The following PXDNL variants were observed in gnomAD, a reference collection of about 807,000 sequenced individuals.
The protein encoded by PXDNL is peroxidasin like.
A neutral mutation model predicts 150.8 loss-of-function variants in PXDNL; 145 were observed. The ratio of observed to expected loss-of-function variants is 0.96; its 90% CI spans 0.84 to 1.10. The LOEUF (loss-of-function observed/expected upper bound fraction) is 1.10, where lower values mean the gene tolerates loss of function less well. Ranked by LOEUF, PXDNL falls within the 50% of genes least tolerant of loss-of-function variation. PXDNL has a pLI of 0.00. For synonymous variants in PXDNL, 757 were observed against 725.7 expected (o/e 1.04, Z -0.69); for missense variants, 2,087 against 1,873.9 (o/e 1.11, Z -2.10).
intron 10 of PXDNL, among the ~76,000 whole-genome samples, chr8:51,451,952 G>A (rs1463915132): frequency 6.6e-6 from 1 of 152,138 alleles, no homozygotes; most frequent in Non-Finnish European, 1.5e-5. Flanking sequence ...CAAGCAGATG[G>A]CCATTTCAGT....
At chr8:51,386,866 G>A (rs1236244908) in intron 17 of PXDNL, among the ~76,000 whole-genome samples, 2 of 150,952 alleles carry the variant, frequency 1.3e-5, no homozygotes, top group Non-Finnish European at 2.9e-5. Context: ...TGTCAGCCAA[G>A]TGACAAGCAT....
At chr8:51,455,035 G>C (rs1413337804) in intron 9 of PXDNL, among the ~76,000 whole-genome samples, 1 of 91,884 alleles carries the variant, frequency 1.1e-5, no homozygotes, top group Admixed American at 9.9e-5. Context: ...CGTGAACCCG[G>C]GAAGCGGAGC....
intron 3 of PXDNL, among the ~76,000 whole-genome samples, chr8:51,591,521 G>GCCCTGT (rs777647694): frequency 6.6e-6 from 1 of 152,164 alleles, no homozygotes; most frequent in Non-Finnish European, 1.5e-5. Flanking sequence ...CTAAAGATTG[G>GCCCTGT]AATGGTGTCT....
At chr8:51,732,271 C>T (rs1001135262) in intron 1 of PXDNL, among the ~76,000 whole-genome samples, 2 of 152,182 alleles carry the variant, frequency 1.3e-5, no homozygotes, top group Non-Finnish European at 2.9e-5. Context: ...CCACAAATCT[C>T]TAGGACAAGG....
At chr8:51,642,208 G>T (rs10958289) in intron 2 of PXDNL, among the ~76,000 whole-genome samples, 49 of 148,840 alleles carry the variant, frequency 3.3e-4, no homozygotes, top group African/African-American at 1.1e-3. Context: ...GACTGTTGTG[G>T]GGTGGAGGGA....
At chr8:51,711,108 A>G (rs9643786) in intron 1 of PXDNL, among the ~76,000 whole-genome samples, 140,716 of 151,234 alleles carry the variant, frequency 0.93, 65,953 homozygotes, top group East Asian at 1. Context: ...GGTATTAAAT[A>G]TAGAAAACTA....
intron 2 of PXDNL, among the ~76,000 whole-genome samples, chr8:51,611,377 T>C (rs980876562): frequency 2.0e-5 from 3 of 152,184 alleles, no homozygotes; most frequent in Non-Finnish European, 4.4e-5. Flanking sequence ...GTTTTTTAAG[T>C]GGGATGGTAG....
At chr8:51,444,534 T>C (rs1327222927) in intron 12 of PXDNL, among the ~76,000 whole-genome samples, 1 of 152,130 alleles carries the variant, frequency 6.6e-6, no homozygotes, top group Non-Finnish European at 1.5e-5. Flanking sequence ...AATCACCTAA[T>C]ACCCGAAGGA....
At chr8:51,359,425 T>C (rs1376814884) in intron 19 of PXDNL, among the ~76,000 whole-genome samples, 1 of 152,152 alleles carries the variant, frequency 6.6e-6, no homozygotes, top group Non-Finnish European at 1.5e-5. Context: ...GACTGATTAG[T>C]GAATTTGATA....
At chr8:51,375,287 C>G (rs1470156453) in intron 17 of PXDNL, among the ~76,000 whole-genome samples, 1 of 152,078 alleles carries the variant, frequency 6.6e-6, no homozygotes. Context: ...AAACAACAAA[C>G]AAACAAAAAA....
intron 3 of PXDNL, among the ~76,000 whole-genome samples, chr8:51,567,375 C>A (rs1402030285): frequency 1.3e-5 from 2 of 151,862 alleles, no homozygotes; most frequent in South Asian, 2.1e-4. Flanking sequence ...CATGTTGAAG[C>A]CTTCAACTAT....
intron 1 of PXDNL, among the ~76,000 whole-genome samples, chr8:51,678,773 C>T (rs551838468): frequency 5.9e-5 from 9 of 152,068 alleles, no homozygotes; most frequent in South Asian, 2.1e-4. Flanking sequence ...TGCTAGATGA[C>T]GAGTTAATGG....
At chr8:51,486,239 C>G (rs1210156684) in intron 5 of PXDNL, among the ~76,000 whole-genome samples, 1 of 152,116 alleles carries the variant, frequency 6.6e-6, no homozygotes, top group East Asian at 1.9e-4. Flanking sequence ...AAAACATTTC[C>G]ATCATCACAG....
intron 1 of PXDNL, among the ~76,000 whole-genome samples, chr8:51,734,502 T>A (rs567724748): frequency 6.6e-6 from 1 of 152,342 alleles, no homozygotes; most frequent in African/African-American, 2.4e-5. Context: ...CTTTAGGAAC[T>A]CACAGCTCAT....
At chr8:51,467,568 A>G (rs982955351) in intron 8 of PXDNL, among the ~76,000 whole-genome samples, 2 of 152,204 alleles carry the variant, frequency 1.3e-5, no homozygotes, top group East Asian at 3.9e-4. Flanking sequence ...CCTCAGCATC[A>G]TGTAGTATAC....
chr8:51,670,592 C>A (rs767991775), intron 1 of PXDNL, among the ~76,000 whole-genome samples: 9 of 152,110 alleles, frequency 5.9e-5, no homozygotes, highest in Non-Finnish European at 1.2e-4. Context: ...ATGGGACCAC[C>A]ATCATATGTG....
At chr8:51,781,123 C>G (rs2037411026) in intron 1 of PXDNL, among the ~76,000 whole-genome samples, 1 of 152,120 alleles carries the variant, frequency 6.6e-6, no homozygotes. Flanking sequence ...GTCACAAAAA[C>G]TTAGGGGTCT....
intron 1 of PXDNL, among the ~76,000 whole-genome samples, chr8:51,682,059 A>C (rs775415881): frequency 1.3e-5 from 2 of 152,226 alleles, no homozygotes; most frequent in Admixed American, 6.5e-5. Context: ...TGCAAGAGGA[A>C]AGTGATTTTT....
At chr8:51,460,607 C>T (rs1025402686) in intron 8 of PXDNL, among the ~76,000 whole-genome samples, 6 of 151,374 alleles carry the variant, frequency 4.0e-5, no homozygotes, top group Admixed American at 6.6e-5. Flanking sequence ...TGCACAGAGT[C>T]GCCAAGTGCC....
Sources: allele counts gnomAD v4.1 joint callset (sites outside exome capture counted in the v4.1 genomes callset), GRCh38; gene constraint gnomAD v4.1.1; transcripts MANE v1.5; gene names NCBI Gene and HGNC (gene_info 2026-07-23, HGNC 2026-07-21).